BRINP3: variants seen among roughly 807,000 people sequenced by gnomAD.
BRINP3 encodes the protein BMP/retinoic acid-inducible neural-specific protein 3.
BRINP3 carries 19 observed loss-of-function variants against 71.0 expected under a neutral mutation model. That is an observed-to-expected ratio of 0.27 (90% CI 0.19 to 0.39). The LOEUF is 0.39. Among genes scored for constraint, BRINP3 ranks in the 10% least tolerant of loss-of-function variants. BRINP3 has a pLI of 1.00. For missense variants in BRINP3, 959 were observed against 940.8 expected (o/e 1.02, Z -0.25); for synonymous variants, 380 against 337.7 (o/e 1.13, Z -1.37).
intron 6 of BRINP3, among the ~76,000 whole-genome samples, chr1:190,224,776 C>T (rs1041396068): frequency 2.0e-5 from 3 of 151,792 alleles, no homozygotes; most frequent in African/African-American, 7.2e-5. Flanking sequence ...GCTCAAACAA[C>T]TAAATAACCA....
At chr1:190,410,044 C>G (rs1466398110) in intron 2 of BRINP3, among the ~76,000 whole-genome samples, 2 of 152,022 alleles carry the variant, frequency 1.3e-5, no homozygotes, top group East Asian at 1.9e-4. Flanking sequence ...TCCCTTCCTT[C>G]TTTCCTATTT....
At chr1:190,111,198 A>C (rs890198566) in intron 7 of BRINP3, among the ~76,000 whole-genome samples, 1 of 150,624 alleles carries the variant, frequency 6.6e-6, no homozygotes, top group African/African-American at 2.5e-5. Context: ...AAAAAAAAAA[A>C]AAAAAAAAAA....
intron 6 of BRINP3, among the ~76,000 whole-genome samples, chr1:190,207,202 T>C (rs1280767459): frequency 6.6e-6 from 1 of 152,128 alleles, no homozygotes; most frequent in Non-Finnish European, 1.5e-5. Context: ...AGCTTACCGC[T>C]AAATTGTCTG....
chr1:190,169,839 T>A (rs1428573457), intron 6 of BRINP3, among the ~76,000 whole-genome samples: 1 of 152,196 alleles, frequency 6.6e-6, no homozygotes, highest in Non-Finnish European at 1.5e-5. Flanking sequence ...ATTTATTTAG[T>A]GTTTCCATAT....
chr1:190,233,044 T>G (rs1658149718), intron 5 of BRINP3, among the ~76,000 whole-genome samples: 1 of 152,162 alleles, frequency 6.6e-6, no homozygotes, highest in African/African-American at 2.4e-5. Context: ...CAACTCAAAA[T>G]AAAAGGCATT....
intron 2 of BRINP3, among the ~76,000 whole-genome samples, chr1:190,383,560 T>A (rs1174416148): frequency 6.6e-6 from 1 of 152,064 alleles, no homozygotes; most frequent in Non-Finnish European, 1.5e-5. Flanking sequence ...AGAGAGTATA[T>A]CATTTTGTGC....
At chr1:190,309,250 C>A (rs116266087) in intron 2 of BRINP3, among the ~76,000 whole-genome samples, 2,288 of 151,398 alleles carry the variant, frequency 0.015, 74 homozygotes, top group African/African-American at 0.052. Flanking sequence ...TAGAGTACCC[C>A]AAAATTTGAG....
At chr1:190,197,715 G>C (rs1173684432) in intron 6 of BRINP3, among the ~76,000 whole-genome samples, 1 of 152,038 alleles carries the variant, frequency 6.6e-6, no homozygotes, top group Non-Finnish European at 1.5e-5. Context: ...GGCTTTGCAG[G>C]GTACAGCCCT....
At position 190,265,014 on chromosome 1, in the gene BRINP3, T is replaced by G. The variant is rs1431668786; in HGVS notation, c.469A>C (p.Ser157Arg). The change falls in exon 4 of 8, where the codon AGC becomes CGC. Residue 157 changes from serine (S) to arginine (R), a missense_variant. Transcript: ENST00000367462. ...GAATCACTTCCTTCAGCTCGTTTGC[T>G]CAACTTCCGCTTGTCCACAAAAATT... ...LTIFVDKRKL[S>R]KRAEGSDSTT... is the part of the protein sequence containing the mutation. 6.2e-7 allele frequency: 1 copy of G among 1,610,424 alleles called. No homozygotes were observed. Among genetic ancestry groups the G allele is most frequent in the Non-Finnish European group, 8.5e-7 (1 of 1,178,556 alleles).
At chr1:190,475,680 A>C (rs1429364408) in intron 1 of BRINP3, 2 of 152,018 alleles carry the variant, frequency 1.3e-5, no homozygotes, top group Middle Eastern at 6.3e-3. Context: ...CCTGTTGATA[A>C]CCCTCCAGTT....
intron 2 of BRINP3, among the ~76,000 whole-genome samples, chr1:190,385,782 A>C (rs905311955): frequency 2.0e-5 from 3 of 152,000 alleles, no homozygotes; most frequent in Admixed American, 2.0e-4. Flanking sequence ...ACATGCACAC[A>C]TATGTTTATT....
chr1:190,341,608 A>G (rs1667659680), intron 2 of BRINP3, among the ~76,000 whole-genome samples: 1 of 151,844 alleles, frequency 6.6e-6, no homozygotes, highest in Non-Finnish European at 1.5e-5. Flanking sequence ...GAAGGAAACC[A>G]TTACTCTAGA....
chr1:190,190,276 C>T (rs1423848747), intron 6 of BRINP3, among the ~76,000 whole-genome samples: 2 of 152,122 alleles, frequency 1.3e-5, no homozygotes, highest in African/African-American at 2.4e-5. Flanking sequence ...AAGTCCTATG[C>T]TCATTTCCCT....
At chr1:190,185,779 A>T (rs1421249717) in intron 6 of BRINP3, among the ~76,000 whole-genome samples, 1 of 152,190 alleles carries the variant, frequency 6.6e-6, no homozygotes, top group African/African-American at 2.4e-5. Context: ...TTACCCTATC[A>T]GGGATGTACA....
chr1:190,415,607 T>C (rs1359528808), intron 2 of BRINP3, among the ~76,000 whole-genome samples: 1 of 152,178 alleles, frequency 6.6e-6, no homozygotes, highest in Non-Finnish European at 1.5e-5. Context: ...ATAATTCAGA[T>C]TTTAAAAAAT....
intron 7 of BRINP3, among the ~76,000 whole-genome samples, chr1:190,147,575 C>T (rs1656001542): frequency 2.0e-5 from 3 of 152,122 alleles, no homozygotes; most frequent in Non-Finnish European, 1.5e-5. Context: ...CGTTAATCTA[C>T]CATACCTTGC....
chr1:190,203,497 A>G (rs1452008947), intron 6 of BRINP3, among the ~76,000 whole-genome samples: 4 of 149,336 alleles, frequency 2.7e-5, no homozygotes, highest in Non-Finnish European at 1.5e-5. Context: ...ATATATACAT[A>G]TATCTTACAA....
At chr1:190,341,458 C>A (rs1667649724) in intron 2 of BRINP3, among the ~76,000 whole-genome samples, 1 of 151,702 alleles carries the variant, frequency 6.6e-6, no homozygotes, top group African/African-American at 2.4e-5. Flanking sequence ...TTCCCTGGTA[C>A]AAAGGCACTT....
intron 2 of BRINP3, among the ~76,000 whole-genome samples, chr1:190,387,589 A>G (rs1670992425): frequency 6.6e-6 from 1 of 151,920 alleles, no homozygotes; most frequent in East Asian, 1.9e-4. Context: ...TCTTGAAGGT[A>G]GTATGGATGT....
Sources: allele counts gnomAD v4.1 joint callset (sites outside exome capture counted in the v4.1 genomes callset), GRCh38; gene constraint gnomAD v4.1.1; transcripts MANE v1.5; gene names NCBI Gene and HGNC (gene_info 2026-07-23, HGNC 2026-07-21).